The following NCAM2 variants were observed in gnomAD, a reference collection of about 807,000 sequenced individuals.
The protein encoded by NCAM2 is N-CAM-2.
NCAM2 carries 30 observed loss-of-function variants against 98.1 expected under a neutral mutation model. That is an observed-to-expected ratio of 0.31 (90% CI 0.23 to 0.41). The LOEUF (loss-of-function observed/expected upper bound fraction) is 0.41, where lower values mean the gene tolerates loss of function less well. NCAM2 is among the 10% of genes least tolerant of loss of function. NCAM2 has a pLI of 1.00. For missense variants in NCAM2, 867 were observed against 1,005.8 expected (o/e 0.86, Z 1.87); for synonymous variants, 368 against 342.4 (o/e 1.07, Z -0.83).
At chr21:21,247,659 G>T (rs1465991786) in intron 1 of NCAM2, among the ~76,000 whole-genome samples, 2 of 152,086 alleles carry the variant, frequency 1.3e-5, no homozygotes, top group Admixed American at 6.6e-5. Context: ...TTTAGATAGA[G>T]TCATATTTCT....
intron 1 of NCAM2, among the ~76,000 whole-genome samples, chr21:21,167,820 A>G (rs2067999845): frequency 6.6e-6 from 1 of 152,204 alleles, no homozygotes; most frequent in African/African-American, 2.4e-5. Flanking sequence ...ATCCGTAAGT[A>G]ATACAAAATA....
intron 5 of NCAM2, among the ~76,000 whole-genome samples, chr21:21,319,839 A>G (rs985844664): frequency 6.6e-6 from 1 of 152,234 alleles, no homozygotes; most frequent in African/African-American, 2.4e-5. Context: ...GCAACAAAGC[A>G]TCAGTTAACA....
chr21:21,356,754 G>T (rs914913000), intron 8 of NCAM2, among the ~76,000 whole-genome samples: 15 of 152,110 alleles, frequency 9.9e-5, no homozygotes, highest in Non-Finnish European at 2.1e-4. Context: ...ACTTTGGGAG[G>T]CCAAGGAGGC....
rs1208744727 is a variant in NCAM2, at chr21:21,099,580, A to G, written c.55+100962A>G. Among the ~76,000 whole-genome samples, 6 of 152,042 alleles carry G rather than the reference A, an allele frequency of 3.9e-5. No homozygotes were observed. The South Asian group carries it at 1.2e-3, about 32-fold the overall frequency. On this transcript the variant is annotated intron_variant, in intron 1 of 17. Coordinates refer to ENST00000400546, the MANE Select transcript of NCAM2 (RefSeq NM_004540.5). ...CTATCATGAGAACAGCATGAGGGTAACAGACCCCATAATTCAATTACCTCT... is the reference window on the plus strand; with the variant it reads ...CTATCATGAGAACAGCATGAGGGTAGCAGACCCCATAATTCAATTACCTCT...
intron 1 of NCAM2, among the ~76,000 whole-genome samples, chr21:21,056,217 T>C (rs1294960390): frequency 6.6e-6 from 1 of 152,056 alleles, no homozygotes; most frequent in African/African-American, 2.4e-5. Context: ...AATCAGGGAG[T>C]CATATTTATT....
intron 16 of NCAM2, among the ~76,000 whole-genome samples, chr21:21,516,006 G>A (rs1988690590): frequency 6.6e-6 from 1 of 152,154 alleles, no homozygotes; most frequent in South Asian, 2.1e-4. Flanking sequence ...CTCTACAGTT[G>A]TTAAGATCTC....
intron 10 of NCAM2, 105 bp downstream of exon 10, chr21:21,410,566 G>A: frequency 1.7e-6 from 1 of 584,448 alleles, no homozygotes; most frequent in Non-Finnish European, 2.6e-6. Flanking sequence ...TATAATAAGA[G>A]AGAGAAATCA....
At chr21:21,146,902 G>A (rs1326382768) in intron 1 of NCAM2, among the ~76,000 whole-genome samples, 1 of 152,008 alleles carries the variant, frequency 6.6e-6, no homozygotes, top group Non-Finnish European at 1.5e-5. Flanking sequence ...GAAATCTCGC[G>A]CCCTGTCCCA....
intron 11 of NCAM2, among the ~76,000 whole-genome samples, chr21:21,427,913 T>C (rs978146136): frequency 1.3e-5 from 2 of 152,296 alleles, no homozygotes; most frequent in Non-Finnish European, 2.9e-5. Flanking sequence ...TTTAACGTAT[T>C]CTAGGGTTTA....
At position 21,542,295 on chromosome 21, in the gene NCAM2, A is replaced by G. The variant is rs374402447; in HGVS notation, c.*4338A>G. On this transcript the variant is annotated 3_prime_UTR_variant, in exon 18 of 18. Coordinates refer to ENST00000400546, the MANE Select transcript of NCAM2 (RefSeq NM_004540.5). ...ATACAAGAATGCGAATAGATTAATT[A>G]TATCTTCTCATATAAAGGCAAAGAA... 2 of 151,788 alleles carry G rather than the reference A, an allele frequency of 1.3e-5. No homozygotes were observed. The highest frequency in any genetic ancestry group is 2.9e-5 in the Non-Finnish European group (2 of 67,802). 9.4% of individuals were successfully genotyped at this position (151,788 alleles called of 1,614,324 possible).
At chr21:21,037,043 T>C (rs1306216777) in intron 1 of NCAM2, among the ~76,000 whole-genome samples, 2 of 151,996 alleles carry the variant, frequency 1.3e-5, no homozygotes, top group Non-Finnish European at 1.5e-5. Context: ...GGTGAAATGC[T>C]TTTTTTTGAG....
intron 1 of NCAM2, among the ~76,000 whole-genome samples, chr21:21,057,975 G>A (rs951809278): frequency 6.6e-6 from 1 of 151,982 alleles, no homozygotes; most frequent in African/African-American, 2.4e-5. Flanking sequence ...TGATGTCTCC[G>A]AAGAATTTCC....
At chr21:21,358,138 A>G (rs549040517) in intron 8 of NCAM2, among the ~76,000 whole-genome samples, 1 of 152,136 alleles carries the variant, frequency 6.6e-6, no homozygotes, top group Non-Finnish European at 1.5e-5. Context: ...AAATATTTTC[A>G]TTCGATGTGA....
At chr21:21,068,124 G>T (rs62207577) in intron 1 of NCAM2, among the ~76,000 whole-genome samples, 1 of 145,176 alleles carries the variant, frequency 6.9e-6, no homozygotes, top group Admixed American at 7.2e-5. Context: ...CTAAAATAAT[G>T]ACTTTTTTTT....
chr21:21,261,052 C>T (rs764121699), intron 1 of NCAM2, among the ~76,000 whole-genome samples: 4 of 151,890 alleles, frequency 2.6e-5, no homozygotes, highest in Admixed American at 6.6e-5. Context: ...ACAAGGGATA[C>T]TCTTTTTGTA....
At chr21:21,110,302 A>G (rs2066429287) in intron 1 of NCAM2, among the ~76,000 whole-genome samples, 2 of 152,218 alleles carry the variant, frequency 1.3e-5, no homozygotes, top group Admixed American at 6.5e-5. Context: ...TTGATATTTC[A>G]GGGCTTGGGA....
intron 1 of NCAM2, among the ~76,000 whole-genome samples, chr21:21,025,066 G>A (rs963402531): frequency 6.6e-6 from 1 of 152,018 alleles, no homozygotes; most frequent in African/African-American, 2.4e-5. Context: ...CAAAGGAAAA[G>A]GATTTAAAAA....
intron 8 of NCAM2, among the ~76,000 whole-genome samples, chr21:21,350,133 T>G (rs1231962017): frequency 6.6e-6 from 1 of 152,100 alleles, no homozygotes; most frequent in African/African-American, 2.4e-5. Context: ...CTTGAAGTGC[T>G]TTTTTCACAT....
chr21:21,377,414 A>G (rs773792194), intron 9 of NCAM2, among the ~76,000 whole-genome samples: 2 of 151,928 alleles, frequency 1.3e-5, no homozygotes, highest in African/African-American at 4.8e-5. Context: ...AAGAATGTAT[A>G]TACATAGAGT....
Sources: gnomAD v4.1 joint callset for allele counts (sites outside exome capture counted in the v4.1 genomes callset) on GRCh38, gnomAD v4.1.1 for gene constraint, MANE v1.5 for transcripts, NCBI Gene and HGNC (gene_info 2026-07-23, HGNC 2026-07-21) for gene names.